CSRNP3: variants seen among roughly 807,000 people sequenced by gnomAD.
CSRNP3 encodes cysteine and serine rich nuclear protein 3, also known as cysteine/serine-rich nuclear protein 3.
CSRNP3 carries 12 observed loss-of-function variants against 48.0 expected under a neutral mutation model. That is an observed-to-expected ratio of 0.25 (90% confidence interval 0.16 to 0.41). The LOEUF is 0.41. Among genes scored for constraint, CSRNP3 ranks in the 10% least tolerant of loss-of-function variants. The pLI is 1.00. For synonymous variants in CSRNP3, 263 were observed against 269.7 expected (o/e 0.98, Z 0.24); for missense variants, 580 against 724.4 (o/e 0.80, Z 2.29).
At chr2:165,593,581 C>T (rs895128632) in intron 3 of CSRNP3, among the ~76,000 whole-genome samples, 4 of 152,122 alleles carry the variant, frequency 2.6e-5, no homozygotes, top group Admixed American at 6.6e-5. Context: ...AATCTGAACA[C>T]GCTGCTTGCT....
chr2:165,669,865 G>T (rs1033805483), intron 5 of CSRNP3, among the ~76,000 whole-genome samples: 3 of 152,042 alleles, frequency 2.0e-5, no homozygotes, highest in Non-Finnish European at 4.4e-5. Context: ...TTGACCTGGA[G>T]ATCCTAACAG....
chr2:165,552,097 T>G (rs1685103454), intron 3 of CSRNP3, among the ~76,000 whole-genome samples: 1 of 152,230 alleles, frequency 6.6e-6, no homozygotes, highest in African/African-American at 2.4e-5. Context: ...GCCAGTGTTC[T>G]GACACAGAAT....
intron 3 of CSRNP3, among the ~76,000 whole-genome samples, chr2:165,558,143 G>A (rs1021795820): frequency 1.2e-4 from 18 of 152,074 alleles, no homozygotes; most frequent in African/African-American, 4.3e-4. Context: ...AAATTAAGGG[G>A]GGGAAAAAAC....
At chr2:165,542,897 A>G (rs1341679548) in intron 3 of CSRNP3, among the ~76,000 whole-genome samples, 4 of 152,190 alleles carry the variant, frequency 2.6e-5, no homozygotes, top group South Asian at 2.1e-4. Flanking sequence ...TTAAGTCTGT[A>G]TGAAATATGA....
At chr2:165,508,911 A>G (rs540268110) in intron 2 of CSRNP3, among the ~76,000 whole-genome samples, 9 of 152,274 alleles carry the variant, frequency 5.9e-5, no homozygotes, top group Admixed American at 5.2e-4. Context: ...AGGCTATAAT[A>G]TATATTCTTT....
intron 3 of CSRNP3, among the ~76,000 whole-genome samples, chr2:165,548,829 G>A (rs1685063113): frequency 6.6e-6 from 1 of 151,950 alleles, no homozygotes; most frequent in Admixed American, 6.6e-5. Context: ...TCTTTAAATA[G>A]CAGATTTAGC....
At chr2:165,533,805 A>T (rs1162063334) in intron 3 of CSRNP3, among the ~76,000 whole-genome samples, 1 of 151,950 alleles carries the variant, frequency 6.6e-6, no homozygotes, top group Non-Finnish European at 1.5e-5. Context: ...TCTATTACTG[A>T]TACGGGACTA....
intron 3 of CSRNP3, among the ~76,000 whole-genome samples, chr2:165,524,999 C>T (rs1228745298): frequency 6.6e-6 from 1 of 152,128 alleles, no homozygotes; most frequent in Non-Finnish European, 1.5e-5. Flanking sequence ...TCTCAGACTG[C>T]AAAATTGTTT....
Position 165,685,420 on chromosome 2 carries a change from T to C in CSRNP3, c.*5667T>C, listed in dbSNP as rs1379780107. The C allele has an allele frequency of 6.6e-6, 1 of 152,034 alleles. No individual in the cohort carries two copies. Among genetic ancestry groups the C allele is most frequent in the African/African-American group, 2.4e-5 (1 of 41,436 alleles). 9.4% of individuals were successfully genotyped at this position (152,034 alleles called of 1,614,324 possible). On this transcript the variant is annotated 3_prime_UTR_variant, in exon 7 of 7. Coordinates refer to ENST00000651982, the MANE Select transcript of CSRNP3 (RefSeq NM_001172173.2). Reference sequence around the variant, plus strand: ...AAGTCTGTGCTGTCTTGGCATGCCTTGGGTTTCCTATCCTGAGAGTGGTAA... The same window carrying C: ...AAGTCTGTGCTGTCTTGGCATGCCTCGGGTTTCCTATCCTGAGAGTGGTAA...
At chr2:165,487,813 AAC>A (rs1338641300) in intron 1 of CSRNP3, among the ~76,000 whole-genome samples, 1 of 150,366 alleles carries the variant, frequency 6.7e-6, no homozygotes, top group Non-Finnish European at 1.5e-5. Context: ...CATGGAAAGG[AAC>A]AACCGGTACC....
At chr2:165,570,739 TG>T (rs1420600103) in intron 3 of CSRNP3, among the ~76,000 whole-genome samples, 1 of 151,946 alleles carries the variant, frequency 6.6e-6, no homozygotes, top group African/African-American at 2.4e-5. Flanking sequence ...CCCAAAGTTT[TG>T]CAGCTTTAGC....
At chr2:165,473,618 A>G (rs555622178) in intron 1 of CSRNP3, among the ~76,000 whole-genome samples, 15 of 152,296 alleles carry the variant, frequency 9.8e-5, no homozygotes, top group African/African-American at 3.4e-4. Context: ...TACAGATATT[A>G]AAAGGGGGTT....
At chr2:165,606,932 A>G (rs184813406) in intron 4 of CSRNP3, among the ~76,000 whole-genome samples, 1 of 152,244 alleles carries the variant, frequency 6.6e-6, no homozygotes, top group East Asian at 1.9e-4. Context: ...AGTAGAATGG[A>G]TGGGATTGCC....
chr2:165,520,820 TATATATAC>T (rs1684649519), intron 3 of CSRNP3, among the ~76,000 whole-genome samples: 2 of 128,242 alleles, frequency 1.6e-5, no homozygotes, highest in African/African-American at 3.0e-5. Context: ...TATATATATA[TATATATAC>T]ATATTTTTTT....
intron 4 of CSRNP3, among the ~76,000 whole-genome samples, chr2:165,654,209 G>A (rs1342155516): frequency 6.6e-6 from 1 of 152,126 alleles, no homozygotes; most frequent in Admixed American, 6.6e-5. Context: ...TGTTGGATTT[G>A]ATAGCAGATT....
At chr2:165,651,129 T>A (rs1412448389) in intron 4 of CSRNP3, among the ~76,000 whole-genome samples, 2 of 152,240 alleles carry the variant, frequency 1.3e-5, no homozygotes, top group African/African-American at 4.8e-5. Flanking sequence ...GAACCTGGTC[T>A]TCAATTTTAC....
intron 4 of CSRNP3, among the ~76,000 whole-genome samples, chr2:165,619,375 G>A (rs1033480906): frequency 2.0e-5 from 3 of 152,038 alleles, no homozygotes; most frequent in African/African-American, 7.2e-5. Flanking sequence ...CAACTATGGA[G>A]TCATATTGAC....
At chr2:165,554,597 T>C (rs1685139151) in intron 3 of CSRNP3, among the ~76,000 whole-genome samples, 2 of 152,216 alleles carry the variant, frequency 1.3e-5, no homozygotes, top group African/African-American at 4.8e-5. Flanking sequence ...CTCTTTTTCC[T>C]CACCCAAACA....
intron 3 of CSRNP3, among the ~76,000 whole-genome samples, chr2:165,570,590 T>C (rs1280460872): frequency 1.5e-5 from 2 of 130,282 alleles, no homozygotes. Context: ...TTTGAAGTAA[T>C]GCAGTAAAAA....
Sources: allele counts gnomAD v4.1 joint callset (sites outside exome capture counted in the v4.1 genomes callset), GRCh38; gene constraint gnomAD v4.1.1; transcripts MANE v1.5; gene names NCBI Gene and HGNC (gene_info 2026-07-23, HGNC 2026-07-21).